CDK8: variants seen among roughly 807,000 people sequenced by gnomAD.
The protein encoded by CDK8 is cyclin dependent kinase 8.
In CDK8, 29 loss-of-function variants were observed where a neutral mutation model predicts 71.5. That is an observed-to-expected ratio of 0.41 (90% CI 0.30 to 0.55). CDK8 has a LOEUF of 0.55. Among genes scored for constraint, CDK8 ranks in the 20% least tolerant of loss-of-function variants. CDK8 has a pLI of 0.37. For synonymous variants in CDK8, 161 were observed against 192.1 expected, an observed-to-expected ratio of 0.84 and a Z score of 1.34; for missense variants, 288 against 572.6, an observed-to-expected ratio of 0.50 and a Z score of 5.07.
At chr13:26,330,151 A>G (rs145269182) in intron 1 of CDK8, among the ~76,000 whole-genome samples, 2 of 152,298 alleles carry the variant, frequency 1.3e-5, no homozygotes, top group East Asian at 1.9e-4. Context: ...ATCCGACTAC[A>G]GTACTTTTTT....
At chr13:26,321,996 G>T (rs1259059024) in intron 1 of CDK8, among the ~76,000 whole-genome samples, 1 of 152,050 alleles carries the variant, frequency 6.6e-6, no homozygotes, top group Non-Finnish European at 1.5e-5. Context: ...TAAATGCCTA[G>T]TATCTTGACA....
chr13:26,320,066 A>G (rs1297559259), intron 1 of CDK8, among the ~76,000 whole-genome samples: 1 of 152,108 alleles, frequency 6.6e-6, no homozygotes, highest in Non-Finnish European at 1.5e-5. Context: ...TACAAAAATT[A>G]CCTTAAAATG....
intron 4 of CDK8, among the ~76,000 whole-genome samples, chr13:26,355,690 A>T (rs148335442): frequency 2.0e-5 from 3 of 152,308 alleles, no homozygotes; most frequent in Admixed American, 6.5e-5. Context: ...GTGAAGCTCA[A>T]AATAAATTTT....
At chr13:26,256,727 T>G (rs758787562) in intron 1 of CDK8, among the ~76,000 whole-genome samples, 39 of 152,312 alleles carry the variant, frequency 2.6e-4, no homozygotes, top group Non-Finnish European at 4.1e-4. Flanking sequence ...TGTATGGACA[T>G]TCTTAGTCAT....
chr13:26,396,806 A>G (rs1208698857), intron 8 of CDK8, among the ~76,000 whole-genome samples: 1 of 152,142 alleles, frequency 6.6e-6, no homozygotes, highest in Non-Finnish European at 1.5e-5. Context: ...TTGTATACCT[A>G]TGACAAAAGT....
At chr13:26,375,072 G>C (rs1376614127) in intron 4 of CDK8, among the ~76,000 whole-genome samples, 1 of 151,984 alleles carries the variant, frequency 6.6e-6, no homozygotes, top group African/African-American at 2.4e-5. Flanking sequence ...TATCAGAAGA[G>C]TAATTTCCAG....
intron 7 of CDK8, among the ~76,000 whole-genome samples, chr13:26,395,262 A>C (rs899492795): frequency 4.6e-5 from 7 of 152,076 alleles, no homozygotes; most frequent in African/African-American, 1.7e-4. Context: ...ACCAGCCTGA[A>C]CAACATGGAG....
At chr13:26,318,755 C>T (rs1214443501) in intron 1 of CDK8, among the ~76,000 whole-genome samples, 1 of 152,136 alleles carries the variant, frequency 6.6e-6, no homozygotes, top group East Asian at 1.9e-4. Flanking sequence ...CAAAATTGAT[C>T]ACCCTTTCAT....
intron 5 of CDK8, among the ~76,000 whole-genome samples, chr13:26,384,969 C>T (rs1014257458): frequency 2.6e-5 from 4 of 152,152 alleles, no homozygotes; most frequent in South Asian, 2.1e-4. Context: ...CAAGGTCACC[C>T]CTGACCTCAG....
At chr13:26,341,559 C>T (rs936942941) in intron 2 of CDK8, among the ~76,000 whole-genome samples, 4 of 152,156 alleles carry the variant, frequency 2.6e-5, no homozygotes, top group Non-Finnish European at 5.9e-5. Context: ...TCACCATACT[C>T]ATGTTATAAA....
intron 4 of CDK8, among the ~76,000 whole-genome samples, chr13:26,369,358 G>A (rs1396760502): frequency 6.7e-6 from 1 of 148,332 alleles, no homozygotes; most frequent in Non-Finnish European, 1.5e-5. Flanking sequence ...GCTGAAGTGG[G>A]AGGATCGTTG....
intron 9 of CDK8, among the ~76,000 whole-genome samples, chr13:26,398,414 C>T (rs1821724929): frequency 2.0e-5 from 3 of 152,110 alleles, no homozygotes; most frequent in Admixed American, 6.5e-5. Flanking sequence ...CTCTGCCTAC[C>T]ATCACCACTA....
intron 8 of CDK8, 86 bp from the exon 9 acceptor site, chr13:26,397,067 C>A: frequency 1.3e-6 from 1 of 755,350 alleles, no homozygotes; most frequent in South Asian, 1.5e-5. Flanking sequence ...CGGTTATGAT[C>A]AAAATAATTC....
intron 4 of CDK8, among the ~76,000 whole-genome samples, chr13:26,376,725 C>T (rs1227166909): frequency 1.3e-5 from 2 of 152,068 alleles, no homozygotes; most frequent in Admixed American, 1.3e-4. Context: ...TGTGCTATGC[C>T]TCAGTTGCCT....
At chr13:26,403,230 C>T (rs907908545) in intron 12 of CDK8, among the ~76,000 whole-genome samples, 1 of 152,016 alleles carries the variant, frequency 6.6e-6, no homozygotes, top group African/African-American at 2.4e-5. Flanking sequence ...CTTAAAGGGG[C>T]CAGGCACTGT....
Position 26,404,894 on chromosome 13 carries a change from T to C in CDK8, c.*813T>C, listed in dbSNP as rs930795915. ...GGTGTTGCTGATTTGTGAGCATGCT[T>C]TAAGATGAAAAAAGCATGAATGATA... On this transcript the variant is annotated 3_prime_UTR_variant, in exon 13 of 13. Coordinates refer to ENST00000381527, the MANE Select transcript of CDK8 (RefSeq NM_001260.3). The C allele has an allele frequency of 4.7e-6, 1 of 211,686 alleles. No homozygotes were observed. The highest frequency in any genetic ancestry group is 5.9e-5 in the Admixed American group (1 of 17,052). The allele number at this position is 211,686 out of a possible 1,614,324, so 13.1% of individuals were successfully genotyped here. A position where few individuals can be genotyped will look rare whatever the true frequency, so the allele number is the denominator to read the frequency against.
At chr13:26,356,164 T>G (rs1030146636) in intron 4 of CDK8, among the ~76,000 whole-genome samples, 2 of 152,142 alleles carry the variant, frequency 1.3e-5, no homozygotes, top group African/African-American at 4.8e-5. Context: ...CCCCCTAATA[T>G]AGGCAACAAG....
At chr13:26,345,583 A>T (rs1243470017) in intron 2 of CDK8, among the ~76,000 whole-genome samples, 1 of 152,102 alleles carries the variant, frequency 6.6e-6, no homozygotes, top group Non-Finnish European at 1.5e-5. Context: ...GGGTTTCACC[A>T]TGTTGGCCAG....
chr13:26,330,988 C>T (rs543748233), intron 1 of CDK8, among the ~76,000 whole-genome samples: 1 of 152,234 alleles, frequency 6.6e-6, no homozygotes, highest in Non-Finnish European at 1.5e-5. Flanking sequence ...AATGGTATTT[C>T]GATTTTTAGC....
Sources: allele counts gnomAD v4.1 joint callset (sites outside exome capture counted in the v4.1 genomes callset), GRCh38; gene constraint gnomAD v4.1.1; transcripts MANE v1.5; gene names NCBI Gene and HGNC (gene_info 2026-07-23, HGNC 2026-07-21).